Variants in EEFSEC observed in about 807,000 individuals in gnomAD.
EEFSEC encodes the protein selenocysteine-specific elongation factor.
A neutral mutation model predicts 42.1 loss-of-function variants in EEFSEC; 43 were observed. That is an observed-to-expected ratio of 1.02 (90% CI 0.80 to 1.32). The LOEUF is 1.32. Among genes scored for constraint, EEFSEC ranks in the 40% most tolerant of loss-of-function variants. EEFSEC has a pLI of 0.00. For synonymous variants in EEFSEC, 354 were observed against 339.1 expected, an observed-to-expected ratio of 1.04 and a Z score of -0.48; for missense variants, 745 against 803.6, an observed-to-expected ratio of 0.93 and a Z score of 0.88.
chr3:128,220,900 G>A (rs2065855136), intron 1 of EEFSEC, among the ~76,000 whole-genome samples: 1 of 152,226 alleles, frequency 6.6e-6, no homozygotes, highest in African/African-American at 2.4e-5. Context: ...AGCTGGCAGT[G>A]CCAGGGTTCA....
chr3:128,377,312 G>A (rs80137251), intron 6 of EEFSEC, among the ~76,000 whole-genome samples: 1 of 151,848 alleles, frequency 6.6e-6, no homozygotes, highest in African/African-American at 2.4e-5. Flanking sequence ...GTTGAACCAC[G>A]TAGTGATTAA....
At chr3:128,361,399 G>A (rs944859061) in intron 6 of EEFSEC, among the ~76,000 whole-genome samples, 3 of 152,146 alleles carry the variant, frequency 2.0e-5, no homozygotes, top group Non-Finnish European at 4.4e-5. Flanking sequence ...TTATTTTTAT[G>A]TAATATCTCC....
Position 128,358,208 on chromosome 3 carries a change from T to TG in EEFSEC, c.1444-5dup. ...TGCCCTCTCTCTGTGGCTGGGTGTG[T>TG]GGGGACAGGCGATGGATGACTACAG... On this transcript the variant is annotated splice_polypyrimidine_tract_variant and intron_variant, in intron 5 of 6. Transcript: ENST00000254730. 6.2e-7 allele frequency: 1 copy of TG among 1,613,312 alleles called. No homozygotes were observed.
chr3:128,154,056 CT>C (rs1944316337), intron 1 of EEFSEC: 1 of 351,530 alleles, frequency 2.8e-6, no homozygotes, highest in Non-Finnish European at 4.8e-6. Context: ...AGGCGCCTTC[CT>C]TAAAAAAAAA....
intron 1 of EEFSEC, among the ~76,000 whole-genome samples, chr3:128,205,434 G>A (rs1326806025): frequency 3.3e-5 from 5 of 152,140 alleles, no homozygotes; most frequent in Non-Finnish European, 7.4e-5. Flanking sequence ...CTGCTGCGGG[G>A]GTGCCCTTGA....
intron 6 of EEFSEC, among the ~76,000 whole-genome samples, chr3:128,405,288 T>A (rs2068096275): frequency 6.6e-6 from 1 of 152,330 alleles, no homozygotes; most frequent in Non-Finnish European, 1.5e-5. Context: ...AGTGCTAGGA[T>A]TCCAGGCATG....
chr3:128,175,241 C>A (rs2065337180), intron 1 of EEFSEC, among the ~76,000 whole-genome samples: 1 of 152,104 alleles, frequency 6.6e-6, no homozygotes, highest in African/African-American at 2.4e-5. Context: ...AAATCTCATG[C>A]TCTGGAGATA....
At chr3:128,254,888 C>T (rs2066225937) in intron 2 of EEFSEC, among the ~76,000 whole-genome samples, 1 of 152,006 alleles carries the variant, frequency 6.6e-6, no homozygotes, top group South Asian at 2.1e-4. Context: ...GTGAGAAGAG[C>T]CTGACCCAGA....
At chr3:128,170,781 A>C (rs1268976137) in intron 1 of EEFSEC, among the ~76,000 whole-genome samples, 1 of 152,376 alleles carries the variant, frequency 6.6e-6, no homozygotes, top group East Asian at 1.9e-4. Flanking sequence ...TAGGTTCGTT[A>C]ATAGTTTCTA....
At chr3:128,180,737 C>T (rs955517160) in intron 1 of EEFSEC, among the ~76,000 whole-genome samples, 1 of 152,192 alleles carries the variant, frequency 6.6e-6, no homozygotes, top group African/African-American at 2.4e-5. Context: ...GGTCCAGAGC[C>T]AGCAGAACCT....
intron 1 of EEFSEC, among the ~76,000 whole-genome samples, chr3:128,207,229 C>T (rs535968034): frequency 1.3e-5 from 2 of 150,776 alleles, no homozygotes; most frequent in Non-Finnish European, 3.0e-5. Flanking sequence ...CTTCCTCCCT[C>T]CATCTCTCTC....
At chr3:128,167,841 G>A (rs2065256739) in intron 1 of EEFSEC, among the ~76,000 whole-genome samples, 1 of 152,148 alleles carries the variant, frequency 6.6e-6, no homozygotes, top group Non-Finnish European at 1.5e-5. Context: ...CAGTTCAAAG[G>A]GGCTGAGTTG....
chr3:128,378,289 G>A (rs2067733229), intron 6 of EEFSEC, among the ~76,000 whole-genome samples: 1 of 152,184 alleles, frequency 6.6e-6, no homozygotes, highest in East Asian at 1.9e-4. Context: ...CAGACCCAGG[G>A]CCTGTCATAT....
At chr3:128,161,137 G>C (rs542374836) in intron 1 of EEFSEC, among the ~76,000 whole-genome samples, 3 of 152,320 alleles carry the variant, frequency 2.0e-5, no homozygotes, top group Admixed American at 2.0e-4. Flanking sequence ...CATTCTCAGT[G>C]TGAATGAAAA....
At chr3:128,164,647 A>G (rs1052661749) in intron 1 of EEFSEC, among the ~76,000 whole-genome samples, 2 of 152,122 alleles carry the variant, frequency 1.3e-5, no homozygotes, top group African/African-American at 4.8e-5. Flanking sequence ...GAGATATTAC[A>G]TTTTAGAAGA....
At chr3:128,225,024 G>A (rs1319584374) in intron 1 of EEFSEC, among the ~76,000 whole-genome samples, 2 of 152,224 alleles carry the variant, frequency 1.3e-5, no homozygotes, top group Non-Finnish European at 2.9e-5. Flanking sequence ...ACCCCGAGTA[G>A]GGCGAAGCAT....
intron 4 of EEFSEC, among the ~76,000 whole-genome samples, chr3:128,334,266 G>A (rs1054101519): frequency 2.0e-5 from 3 of 152,220 alleles, no homozygotes; most frequent in Admixed American, 1.3e-4. Context: ...CACTGGTGGC[G>A]AGGAGTCCCC....
intron 4 of EEFSEC, among the ~76,000 whole-genome samples, chr3:128,316,541 G>A (rs989172962): frequency 6.6e-5 from 10 of 152,192 alleles, no homozygotes; most frequent in African/African-American, 1.7e-4. Flanking sequence ...TTTGGCTATG[G>A]GAAAGTGTGC....
intron 5 of EEFSEC, among the ~76,000 whole-genome samples, chr3:128,347,364 TCTTTCTGGGG>T (rs2067324938): frequency 6.6e-6 from 1 of 152,176 alleles, no homozygotes; most frequent in African/African-American, 2.4e-5. Context: ...AAATGGCTAA[TCTTTCTGGGG>T]AGAGGGTTTA....
Sources: gnomAD v4.1 joint callset for allele counts (sites outside exome capture counted in the v4.1 genomes callset) on GRCh38, gnomAD v4.1.1 for gene constraint, MANE v1.5 for transcripts, NCBI Gene and HGNC (gene_info 2026-07-23, HGNC 2026-07-21) for gene names.